The following DLGAP1 variants were observed in gnomAD, a reference collection of about 807,000 sequenced individuals.
DLGAP1 encodes the protein DLG associated protein 1, also known as disks large-associated protein 1.
In DLGAP1, 11 loss-of-function variants were observed where a neutral mutation model predicts 90.8. The ratio of observed to expected loss-of-function variants is 0.12; its 90% CI spans 0.08 to 0.20. The LOEUF (loss-of-function observed/expected upper bound fraction) is 0.20. Ranked by LOEUF, DLGAP1 falls within the 10% of genes least tolerant of loss-of-function variation. DLGAP1 has a pLI of 1.00. For missense variants in DLGAP1, 1,050 were observed against 1,333.8 expected (o/e 0.79, Z 3.31); for synonymous variants, 558 against 540.7 (o/e 1.03, Z -0.44).
At chr18:3,899,698 C>G (rs964527006) in intron 3 of DLGAP1, among the ~76,000 whole-genome samples, 2 of 152,206 alleles carry the variant, frequency 1.3e-5, no homozygotes, top group Non-Finnish European at 2.9e-5. Context: ...AAGCCATCTT[C>G]TCTTACTATC....
chr18:4,177,284 C>T (rs917247787), intron 1 of DLGAP1, among the ~76,000 whole-genome samples: 10 of 129,754 alleles, frequency 7.7e-5, no homozygotes, highest in South Asian at 5.0e-4. Context: ...ACTTGATTTA[C>T]GCAATACTTA....
intron 2 of DLGAP1, among the ~76,000 whole-genome samples, chr18:4,025,194 C>T (rs769735112): frequency 2.6e-5 from 4 of 152,078 alleles, no homozygotes; most frequent in Non-Finnish European, 4.4e-5. Context: ...CATGTGTGTG[C>T]ACTCTACACT....
rs139328862 is a variant in DLGAP1, at chr18:3,879,598, C to A, written c.471G>T (p.Gly157=). The A allele has an allele frequency of 1.0e-5, 16 of 1,601,460 alleles. No individual in the cohort carries two copies. In the South Asian group the frequency reaches 1.7e-4, roughly 17 times the overall value. ...KLFTKSHSLE[G]PSKGSVNGGK... The stretch of plus-strand genomic sequence containing the variant: ...CCCCGTTGACGCTGCCCTTGGACGG[C>A]CCCTCCAGGGAGTGCGACTTGGTGA... The change falls in exon 4 of 13, where the codon GGG becomes GGT. Residue 157 remains glycine, a synonymous_variant. Transcript: ENST00000315677. This position sits in a 1 kb window ranked among gnomAD's most constrained non-coding sequence, Gnocchi z 6.6.
chr18:3,523,693 A>C (rs985734611), intron 10 of DLGAP1, among the ~76,000 whole-genome samples: 2 of 152,028 alleles, frequency 1.3e-5, no homozygotes, highest in Non-Finnish European at 2.9e-5. Context: ...TAAAAATACA[A>C]AAAATTAGCC....
chr18:3,568,755 C>T (rs893622401), intron 8 of DLGAP1, among the ~76,000 whole-genome samples: 5 of 152,160 alleles, frequency 3.3e-5, no homozygotes, highest in South Asian at 2.1e-4. Flanking sequence ...GGCACGATCT[C>T]GGCTCACCGC....
chr18:4,444,494 G>A (rs1213161834), intron 1 of DLGAP1, among the ~76,000 whole-genome samples: 1 of 152,166 alleles, frequency 6.6e-6, no homozygotes, highest in East Asian at 1.9e-4. Context: ...CAGCCTACAT[G>A]CAGTGCAATA....
chr18:4,211,325 A>G (rs2077836079), intron 1 of DLGAP1, among the ~76,000 whole-genome samples: 1 of 152,220 alleles, frequency 6.6e-6, no homozygotes, highest in Non-Finnish European at 1.5e-5. Flanking sequence ...ACGCCTAAGT[A>G]CAGAAGAAAA....
rs1324253198 is a variant in DLGAP1, at chr18:3,538,894, T to G, written c.2058-4279A>C. 1.3e-4 allele frequency among the ~76,000 whole-genome samples: 20 copies of G among 152,382 alleles called. No homozygotes were observed. The East Asian group carries it at 3.7e-3, about 28-fold the overall frequency. Reference sequence around the variant, plus strand: ...ATTCCTAACAGCCATCTCCTGGCTATGGATCTTGCAAAGGATCCACCTTCT... The same window carrying G: ...ATTCCTAACAGCCATCTCCTGGCTAGGGATCTTGCAAAGGATCCACCTTCT... On this transcript the variant is annotated intron_variant, in intron 9 of 12. Coordinates refer to ENST00000315677, the MANE Select transcript of DLGAP1 (RefSeq NM_004746.4).
intron 5 of DLGAP1, among the ~76,000 whole-genome samples, chr18:3,781,224 A>G (rs945566323): frequency 6.6e-6 from 1 of 152,102 alleles, no homozygotes; most frequent in Non-Finnish European, 1.5e-5. Context: ...TATCTTGTAC[A>G]TTTTTTATGT....
At chr18:3,542,530 C>A (rs539325022) in intron 9 of DLGAP1, among the ~76,000 whole-genome samples, 1 of 152,286 alleles carries the variant, frequency 6.6e-6, no homozygotes, top group African/African-American at 2.4e-5. Flanking sequence ...GTGGATAAAT[C>A]ATTTGTAAAG....
At chr18:3,988,529 G>A (rs1386934625) in intron 3 of DLGAP1, among the ~76,000 whole-genome samples, 1 of 152,098 alleles carries the variant, frequency 6.6e-6, no homozygotes. Flanking sequence ...TAAGGAGCGG[G>A]CAACCTAGAT....
At position 3,497,534 on chromosome 18, in the gene DLGAP1, A is replaced by C. The variant is rs1028312314; in HGVS notation, c.*1651T>G. Reference sequence around the variant, plus strand: ...ACCCATCACCTCTCTTAATTTCATAAGTAAAATTAAATTAGCACCTGGCTA... The same window carrying C: ...ACCCATCACCTCTCTTAATTTCATACGTAAAATTAAATTAGCACCTGGCTA... On this transcript the variant is annotated 3_prime_UTR_variant, in exon 13 of 13. Coordinates refer to ENST00000315677, the MANE Select transcript of DLGAP1 (RefSeq NM_004746.4). The C allele has an allele frequency of 6.6e-6, 1 of 152,198 alleles. No individual in the cohort carries two copies. The highest frequency in any genetic ancestry group is 2.4e-5 in the African/African-American group (1 of 41,438). 9.4% of individuals were successfully genotyped at this position (152,198 alleles called of 1,614,324 possible). A position where few individuals can be genotyped will look rare whatever the true frequency, so the allele number is the denominator to read the frequency against.
intron 6 of DLGAP1, among the ~76,000 whole-genome samples, chr18:3,739,948 T>G (rs916252399): frequency 6.6e-6 from 1 of 152,196 alleles, no homozygotes; most frequent in Non-Finnish European, 1.5e-5. Flanking sequence ...TTCTCCCATG[T>G]GTCTGTGCAA....
chr18:3,893,425 A>G (rs2071529914), intron 3 of DLGAP1, among the ~76,000 whole-genome samples: 1 of 151,876 alleles, frequency 6.6e-6, no homozygotes, highest in Non-Finnish European at 1.5e-5. Context: ...AAAAAAATAC[A>G]AAAATTAGCT....
chr18:4,170,305 G>A (rs1172793136), intron 1 of DLGAP1, among the ~76,000 whole-genome samples: 1 of 152,170 alleles, frequency 6.6e-6, no homozygotes, highest in African/African-American at 2.4e-5. Flanking sequence ...CTTTGATGAA[G>A]ACTGAGGTTG....
At chr18:4,336,970 C>T (rs1299283749) in intron 1 of DLGAP1, among the ~76,000 whole-genome samples, 2 of 145,716 alleles carry the variant, frequency 1.4e-5, no homozygotes, top group African/African-American at 5.1e-5. Context: ...AAAAATTAGC[C>T]GGGCGTGGTG....
At chr18:3,994,310 C>T (rs1037579581) in intron 3 of DLGAP1, among the ~76,000 whole-genome samples, 21 of 152,184 alleles carry the variant, frequency 1.4e-4, no homozygotes, top group Non-Finnish European at 1.5e-4. Flanking sequence ...GGCTTGGGGA[C>T]CCCGTTCCTT....
intron 1 of DLGAP1, among the ~76,000 whole-genome samples, chr18:4,380,571 A>G (rs956963571): frequency 6.6e-5 from 10 of 152,170 alleles, no homozygotes; most frequent in African/African-American, 2.4e-4. Context: ...CAAGAAGCAT[A>G]CCAAGCTGAG....
At chr18:4,371,430 G>A (rs916612590) in intron 1 of DLGAP1, among the ~76,000 whole-genome samples, 2 of 152,172 alleles carry the variant, frequency 1.3e-5, no homozygotes, top group African/African-American at 4.8e-5. Flanking sequence ...TAAAATATTT[G>A]TTAGAGCAGA....
Sources: gnomAD v4.1 joint callset for allele counts (sites outside exome capture counted in the v4.1 genomes callset) on GRCh38, gnomAD v4.1.1 for gene constraint, Gnocchi (gnomAD v3.1) non-coding constraint, MANE v1.5 for transcripts, NCBI Gene and HGNC (gene_info 2026-07-23, HGNC 2026-07-21) for gene names.